Variants in UTS2 observed in about 807,000 individuals in gnomAD.
The protein encoded by UTS2 is urotensin 2.
Under a neutral mutation model 12.6 loss-of-function variants are expected in UTS2, and 10 were observed. That is an observed-to-expected ratio of 0.80 (90% CI 0.49 to 1.35). UTS2 has a LOEUF of 1.35. UTS2 is among the 40% of genes most tolerant of loss of function. The probability of loss-of-function intolerance (pLI) is 0.00; values close to 1 mark genes in which losing one functional copy is unlikely to be tolerated. For synonymous variants in UTS2, 52 were observed against 50.0 expected (o/e 1.04, Z -0.17); for missense variants, 142 against 143.2 (o/e 0.99, Z 0.04).
the UTS2 span, among the ~76,000 whole-genome samples, chr1:7,910,737 A>AT: frequency 6.6e-6 from 1 of 151,786 alleles, no homozygotes; most frequent in Non-Finnish European, 1.5e-5. Context: ...TGTTTTTGGG[A>AT]TTTTTTTCAG....
rs2097409044 is a variant in UTS2, at chr1:7,847,619, A to AACAT, written c.*143_*146dup. 1 of 660,802 alleles carries AACAT rather than the reference A, an allele frequency of 1.5e-6. No individual in the cohort carries two copies. The highest frequency in any genetic ancestry group is 2.5e-5 in the Admixed American group (1 of 39,668). 40.9% of individuals were successfully genotyped at this position (660,802 alleles called of 1,614,324 possible). A position where few individuals can be genotyped will look rare whatever the true frequency, so the allele number is the denominator to read the frequency against. On this transcript the variant is annotated 3_prime_UTR_variant, in exon 4 of 4. Coordinates refer to ENST00000361696, the MANE Select transcript of UTS2 (RefSeq NM_006786.4). ...AAATAACCACTCATGATATGTGCAA[A>AACAT]ACATAGAGGATTTATTTTCCAGGTA...
chr1:7,907,751 C>CTATTTCAA, the UTS2 span, among the ~76,000 whole-genome samples: 1 of 152,140 alleles, frequency 6.6e-6, no homozygotes, highest in Non-Finnish European at 1.5e-5. Flanking sequence ...CCTTAGGCCC[C>CTATTTCAA]TATTTCAACA....
chr1:7,848,584 G>A (rs554826581), intron 3 of UTS2, among the ~76,000 whole-genome samples: 3 of 152,074 alleles, frequency 2.0e-5, no homozygotes, highest in African/African-American at 7.2e-5. Context: ...GAAGTAGTGC[G>A]ATCTCCTCTC....
chr1:7,876,859 C>T, the UTS2 span, among the ~76,000 whole-genome samples: 1 of 151,916 alleles, frequency 6.6e-6, no homozygotes, highest in Non-Finnish European at 1.5e-5. Context: ...CGGCTGGGCA[C>T]GGTGGCTCAC....
the UTS2 span, among the ~76,000 whole-genome samples, chr1:7,865,901 A>G: frequency 6.6e-6 from 1 of 152,168 alleles, no homozygotes; most frequent in African/African-American, 2.4e-5. Context: ...GTACCACTGC[A>G]CTCAGCCTAG....
chr1:7,873,495 A>T, the UTS2 span, among the ~76,000 whole-genome samples: 2 of 152,228 alleles, frequency 1.3e-5, no homozygotes, highest in Non-Finnish European at 2.9e-5. Flanking sequence ...GTTGATTCCC[A>T]CCTTCATGGA....
At chr1:7,895,490 G>A in the UTS2 span, among the ~76,000 whole-genome samples, 1 of 152,156 alleles carries the variant, frequency 6.6e-6, no homozygotes, top group South Asian at 2.1e-4. Context: ...AAGCTGCTGT[G>A]CTTAGTGCAG....
intron 1 of UTS2, 128 bp downstream of exon 1, chr1:7,852,773 C>T: frequency 1.9e-6 from 2 of 1,064,274 alleles, no homozygotes; most frequent in Non-Finnish European, 2.6e-6. Flanking sequence ...CTTTTCAAAG[C>T]TGGGACTATT....
the UTS2 span, among the ~76,000 whole-genome samples, chr1:7,879,444 A>G: frequency 3.8e-4 from 58 of 152,260 alleles, 1 homozygote; most frequent in African/African-American, 1.3e-3. Context: ...AGGAAATTTA[A>G]TAAGTCTTGA....
At chr1:7,891,535 GAAAA>G in the UTS2 span, among the ~76,000 whole-genome samples, 19 of 43,636 alleles carry the variant, frequency 4.4e-4, no homozygotes, top group African/African-American at 1.7e-3. Flanking sequence ...AAGAAAGAAA[GAAAA>G]GAAAGAAAGA....
At chr1:7,893,446 T>C in the UTS2 span, among the ~76,000 whole-genome samples, 2 of 152,072 alleles carry the variant, frequency 1.3e-5, no homozygotes, top group Admixed American at 6.6e-5. Context: ...GAACTGAGGT[T>C]GTGCCACTGC....
the UTS2 span, among the ~76,000 whole-genome samples, chr1:7,905,147 CTT>C: frequency 1.9e-4 from 26 of 136,342 alleles, no homozygotes; most frequent in Admixed American, 2.2e-4. Context: ...TTTCTTTTTT[CTT>C]TTTTTTTTTT....
chr1:7,863,098 GTATTGTATTGTATTGTATTGTATT>G, the UTS2 span, among the ~76,000 whole-genome samples: 1 of 127,060 alleles, frequency 7.9e-6, no homozygotes, highest in African/African-American at 3.3e-5. Flanking sequence ...GTATTGTATT[GTATTGTATTGTATTGTATTGTATT>G]GTATTTGAGA....
the UTS2 span, among the ~76,000 whole-genome samples, chr1:7,873,221 G>A: frequency 2.6e-5 from 4 of 152,204 alleles, no homozygotes; most frequent in African/African-American, 9.6e-5. Context: ...GATGTACAAG[G>A]AGATGACTGT....
At chr1:7,863,016 TTGTATTGTATTGTATTGTATTGTATTG>T in the UTS2 span, among the ~76,000 whole-genome samples, 26 of 22,426 alleles carry the variant, frequency 1.2e-3, no homozygotes, top group Non-Finnish European at 1.6e-3. Context: ...TTGTATTGTA[TTGTATTGTATTGTATTGTATTGTATTG>T]TATTGTATTG....
At chr1:7,869,656 G>T in the UTS2 span, among the ~76,000 whole-genome samples, 1 of 152,240 alleles carries the variant, frequency 6.6e-6, no homozygotes, top group Non-Finnish European at 1.5e-5. Context: ...AGAATGGGCT[G>T]CCAAGGAGCG....
At chr1:7,851,259 A>G (rs919811331) in intron 1 of UTS2, among the ~76,000 whole-genome samples, 1 of 152,222 alleles carries the variant, frequency 6.6e-6, no homozygotes, top group Non-Finnish European at 1.5e-5. Flanking sequence ...ATTTCTGCTT[A>G]TCTACTGCTG....
At chr1:7,854,641 A>T (rs1270124529), upstream of UTS2, among the ~76,000 whole-genome samples, 1 of 152,140 alleles carries the variant, frequency 6.6e-6, no homozygotes, top group Non-Finnish European at 1.5e-5. Flanking sequence ...CAAATCACAC[A>T]GGAAAAAAAT....
At chr1:7,857,472 T>C (rs1260311298), upstream of UTS2, among the ~76,000 whole-genome samples, 1 of 27,524 alleles carries the variant, frequency 3.6e-5, no homozygotes, top group Non-Finnish European at 8.0e-5. Flanking sequence ...GTTACTACTA[T>C]GTTAAAAAAA....
Sources: allele counts gnomAD v4.1 joint callset (sites outside exome capture counted in the v4.1 genomes callset), GRCh38; gene constraint gnomAD v4.1.1; transcripts MANE v1.5; gene names NCBI Gene and HGNC (gene_info 2026-07-23, HGNC 2026-07-21).